Variants in ZNF793 observed in about 807,000 individuals in gnomAD.
The protein encoded by ZNF793 is zinc finger protein 793.
A neutral mutation model predicts 12.4 loss-of-function variants in ZNF793; 5 were observed. That is an observed-to-expected ratio of 0.40 (90% confidence interval 0.21 to 0.84). The LOEUF is 0.84. Among genes scored for constraint, ZNF793 ranks in the 40% least tolerant of loss-of-function variants. ZNF793 has a pLI of 0.35. For synonymous variants in ZNF793, 162 were observed against 172.4 expected (o/e 0.94, Z 0.47); for missense variants, 456 against 495.0 (o/e 0.92, Z 0.75).
intron 5 of ZNF793, among the ~76,000 whole-genome samples, chr19:37,529,455 G>A (rs1251597689): frequency 6.6e-6 from 1 of 151,902 alleles, no homozygotes; most frequent in East Asian, 1.9e-4. Flanking sequence ...CTTGTAGGCA[G>A]CATTTTTTTT....
chr19:37,528,188 A>C (rs768701867), intron 5 of ZNF793, among the ~76,000 whole-genome samples: 3 of 152,124 alleles, frequency 2.0e-5, no homozygotes, highest in Admixed American at 1.3e-4. Context: ...CATGAAGCAG[A>C]GTTTAGGAGA....
intron 2 of ZNF793, among the ~76,000 whole-genome samples, chr19:37,517,601 T>C (rs1568787543): frequency 6.6e-6 from 1 of 152,290 alleles, no homozygotes; most frequent in East Asian, 1.9e-4. Flanking sequence ...TCACTGCTGC[T>C]GTGTGCTAGT....
intron 1 of ZNF793, 64 bp from the exon 2 acceptor site, chr19:37,508,201 A>G (rs2042265912): frequency 6.6e-6 from 1 of 152,218 alleles, no homozygotes; most frequent in Non-Finnish European, 1.5e-5. Flanking sequence ...ACATGTTACT[A>G]AAGACGTGGC....
intron 5 of ZNF793, among the ~76,000 whole-genome samples, chr19:37,525,151 T>C (rs1426094907): frequency 6.6e-6 from 1 of 152,098 alleles, no homozygotes; most frequent in East Asian, 1.9e-4. Context: ...TTTTTTTTTT[T>C]TTTGAGTTGG....
chr19:37,531,686 C>T lies in ZNF793; in HGVS notation c.16-670C>T, dbSNP rs556497930. Among the ~76,000 whole-genome samples, 9 of 152,292 alleles carry T rather than the reference C, an allele frequency of 5.9e-5. No homozygotes were observed. The South Asian group carries it at 1.0e-3, about 18-fold the overall frequency. ...AACCTGAAAAATTTAACAGACCATT[C>T]GCTTCTCTGTATGCCATAGCCTAGA... On this transcript the variant is annotated intron_variant, in intron 5 of 7. Coordinates refer to ENST00000627814, the MANE Select transcript of ZNF793 (RefSeq NM_001013659.3).
rs137890693 is a variant in ZNF793, at chr19:37,527,016, C to T, written c.15+3562C>T. Among the ~76,000 whole-genome samples the T allele has an allele frequency of 3.6e-3, 547 of 152,108 alleles. 3 individuals are homozygous for T. The highest frequency in any genetic ancestry group is 0.013 in the African/African-American group (531 of 41,556). The stretch of plus-strand genomic sequence containing the variant: ...AGGCTGGAGTGCAGTGGCACAATCT[C>T]GGCTCACTGCAACCTCTGCCTCCCA... On this transcript the variant is annotated intron_variant, in intron 5 of 7. Coordinates refer to ENST00000627814, the MANE Select transcript of ZNF793 (RefSeq NM_001013659.3).
intron 7 of ZNF793, 109 bp downstream of exon 7, chr19:37,533,512 C>A: frequency 2.2e-6 from 2 of 896,378 alleles, no homozygotes; most frequent in Non-Finnish European, 1.8e-6. Context: ...AGAGCTTCAG[C>A]CACGTTAATG....
chr19:37,532,398 G>C lies in ZNF793; in HGVS notation c.58G>C (p.Glu20Gln). 1 of 1,614,170 alleles carries C rather than the reference G, an allele frequency of 6.2e-7. No individual in the cohort carries two copies. The highest frequency in any genetic ancestry group is 8.5e-7 in the Non-Finnish European group (1 of 1,180,020). The change falls in exon 6 of 8, where the codon GAG (glutamate) becomes CAG (glutamine). Residue 20 changes from glutamate to glutamine, a missense_variant. Transcript: ENST00000627814. ...FKDVVVGFTQ[E>Q]EWHRLSPAQR... ...AGATGTGGTTGTGGGCTTCACCCAA[G>C]AGGAGTGGCACCGGCTGAGTCCTGC...
chr19:37,537,350 AG>A lies in ZNF793; in HGVS notation c.693del (p.Glu231AspfsTer50). 6.2e-7 allele frequency: 1 copy of A among 1,613,238 alleles called. No homozygotes were observed. Among genetic ancestry groups the A allele is most frequent in the Non-Finnish European group, 8.5e-7 (1 of 1,179,544 alleles). The stretch of plus-strand genomic sequence containing the variant: ...ACAGAAAAACCCCACGTCTGTAGTG[AG>A]TGTGGGAAAGCCTTCTGCTACAAGT... ...PPTEKPHVCS[E>X]CGKAFCYKSE... On this transcript the variant is annotated frameshift_variant, in exon 8 of 8. Coordinates refer to ENST00000627814, the MANE Select transcript of ZNF793 (RefSeq NM_001013659.3). LOFTEE classifies it low-confidence loss of function (END_TRUNC).
Position 37,510,783 on chromosome 19 carries a change from G to A in ZNF793, c.-276+2380G>A, listed in dbSNP as rs547552123. 2.0e-5 allele frequency among the ~76,000 whole-genome samples: 3 copies of A among 150,910 alleles called. No individual in the cohort carries two copies. In the South Asian group the frequency reaches 6.3e-4, roughly 32 times the overall value. On this transcript the variant is annotated intron_variant, in intron 2 of 7. Coordinates refer to ENST00000627814, the MANE Select transcript of ZNF793 (RefSeq NM_001013659.3). ...ACGATCTCGGCTTACTGCAACCCCT[G>A]CCTCCCAGGTTCACACCAGTCTCCT...
intron 5 of ZNF793, among the ~76,000 whole-genome samples, chr19:37,527,737 T>C (rs1454608299): frequency 6.6e-6 from 1 of 152,188 alleles, no homozygotes; most frequent in African/African-American, 2.4e-5. Context: ...AAAACACTTT[T>C]GGGTTTTCTA....
intron 2 of ZNF793, among the ~76,000 whole-genome samples, chr19:37,508,661 G>A (rs2042269674): frequency 6.6e-6 from 1 of 152,078 alleles, no homozygotes; most frequent in Non-Finnish European, 1.5e-5. Flanking sequence ...AAACGAGATT[G>A]TACCACTGCA....
In ZNF793 at chr19:37,510,822, G is replaced by T. The variant is rs536243698; in HGVS notation, c.-276+2419G>T. Among the ~76,000 whole-genome samples, 9 of 151,396 alleles carry T rather than the reference G, an allele frequency of 5.9e-5. No homozygotes were observed. The East Asian group carries it at 1.8e-3, about 30-fold the overall frequency. On this transcript the variant is annotated intron_variant, in intron 2 of 7. Coordinates refer to ENST00000627814, the MANE Select transcript of ZNF793 (RefSeq NM_001013659.3). ...CACCAGTCTCCTGCCTCAGCCTCCC[G>T]AGTAGCTGGGACTACAGGTGCCCAT...
Position 37,522,600 on chromosome 19 carries a change from T to A in ZNF793, c.-78T>A, listed in dbSNP as rs2042384672. On this transcript the variant is annotated 5_prime_UTR_variant, in exon 4 of 8. Coordinates refer to ENST00000627814, the MANE Select transcript of ZNF793 (RefSeq NM_001013659.3). ...TTTAGTCTCCTTTAATCAGGAGCAGTTTCTCAGTGTTCATCTTCCATGAAG... is the reference window on the plus strand; with the variant it reads ...TTTAGTCTCCTTTAATCAGGAGCAGATTCTCAGTGTTCATCTTCCATGAAG... 1 of 152,232 alleles carries A rather than the reference T, an allele frequency of 6.6e-6. No individual in the cohort carries two copies. The highest frequency in any genetic ancestry group is 1.5e-5 in the Non-Finnish European group (1 of 68,046). The allele number at this position is 152,232 out of a possible 1,614,324, so 9.4% of individuals were successfully genotyped here.
chr19:37,534,498 T>TCA (rs146916662), intron 7 of ZNF793: 24,053 of 149,338 alleles, frequency 0.16, 1,885 homozygotes, highest in South Asian at 0.25. Flanking sequence ...ACACTCACAC[T>TCA]CACACACACA....
chr19:37,536,776 C>G lies in ZNF793; in HGVS notation c.239-121C>G, dbSNP rs374984458. On this transcript the variant is annotated intron_variant, in intron 7 of 7. Transcript: ENST00000627814. ...TTTACTCATAGAACACTCTTCCCTG[C>G]GTTTGTGCTTTGGGTTATGGTTCAT... is the stretch of plus-strand genomic sequence containing the variant. The G allele has an allele frequency of 5.5e-6, 6 of 1,090,140 alleles. No homozygotes were observed. In the African/African-American group the frequency reaches 8.0e-5, roughly 15 times the overall value. 67.5% of individuals were successfully genotyped at this position (1,090,140 alleles called of 1,614,324 possible).
chr19:37,523,401 T>C lies in ZNF793; in HGVS notation c.-30-9T>C. On this transcript the variant is annotated splice_polypyrimidine_tract_variant and intron_variant, in intron 4 of 7. Coordinates refer to ENST00000627814, the MANE Select transcript of ZNF793 (RefSeq NM_001013659.3). ...CTTTCTCCATCTTCTTCCCCCCACA[T>C]GTCTACAGGTGTCAGATCTTTTTCA... is the stretch of plus-strand genomic sequence containing the variant. 3 of 1,608,628 alleles carry C rather than the reference T, an allele frequency of 1.9e-6. No individual in the cohort carries two copies. The highest frequency in any genetic ancestry group is 2.6e-6 in the Non-Finnish European group (3 of 1,174,972).
At chr19:37,523,382 C>G in intron 4 of ZNF793, 28 bp from the exon 5 acceptor site, 1 of 1,574,366 alleles carries the variant, frequency 6.4e-7, no homozygotes, top group South Asian at 1.1e-5. Flanking sequence ...CTCTCTTTCT[C>G]CATCTTCTTC....
chr19:37,519,033 G>T (rs553903717), intron 2 of ZNF793, among the ~76,000 whole-genome samples: 1 of 152,250 alleles, frequency 6.6e-6, no homozygotes, highest in Admixed American at 6.5e-5. Context: ...TTCCGAGGCC[G>T]AGGTGGGCGG....
Sources: gnomAD v4.1 joint callset for allele counts (sites outside exome capture counted in the v4.1 genomes callset) on GRCh38, gnomAD v4.1.1 for gene constraint, MANE v1.5 for transcripts, NCBI Gene and HGNC (gene_info 2026-07-23, HGNC 2026-07-21) for gene names.